Variants in KHDRBS3 observed in about 807,000 individuals in gnomAD.
KHDRBS3 encodes the protein KH domain-containing, RNA-binding, signal transduction-associated protein 3.
In KHDRBS3, 23 loss-of-function variants were observed where a neutral mutation model predicts 45.6. That is an observed-to-expected ratio of 0.50 (90% confidence interval 0.36 to 0.72). The LOEUF is 0.72. Among genes scored for constraint, KHDRBS3 ranks in the 30% least tolerant of loss-of-function variants. The pLI is 0.00. For synonymous variants in KHDRBS3, 162 were observed against 156.5 expected (o/e 1.04, Z -0.26); for missense variants, 352 against 424.8 (o/e 0.83, Z 1.51).
chr8:135,520,879 A>G (rs1824871219), intron 1 of KHDRBS3, among the ~76,000 whole-genome samples: 1 of 152,226 alleles, frequency 6.6e-6, no homozygotes, highest in Non-Finnish European at 1.5e-5. Context: ...GGGATGTTTC[A>G]GCACTTTGTA....
chr8:135,540,244 A>G (rs1825978568), intron 2 of KHDRBS3: 1 of 152,214 alleles, frequency 6.6e-6, no homozygotes, highest in Non-Finnish European at 1.5e-5. Context: ...ATAAATAGAT[A>G]AATGGTAACG....
intron 5 of KHDRBS3, among the ~76,000 whole-genome samples, chr8:135,567,699 A>C (rs1183162977): frequency 2.6e-5 from 4 of 152,188 alleles, no homozygotes; most frequent in African/African-American, 9.7e-5. Context: ...GAAATCCGTA[A>C]CTGCTTCTAT....
At chr8:135,564,904 C>A (rs961089313) in intron 5 of KHDRBS3, among the ~76,000 whole-genome samples, 1 of 152,164 alleles carries the variant, frequency 6.6e-6, no homozygotes, top group Non-Finnish European at 1.5e-5. Flanking sequence ...AAGCCAGACA[C>A]AAGACGCAAA....
At chr8:135,559,849 A>T (rs909185418) in intron 5 of KHDRBS3, among the ~76,000 whole-genome samples, 1 of 152,184 alleles carries the variant, frequency 6.6e-6, no homozygotes, top group African/African-American at 2.4e-5. Flanking sequence ...TACCCCTTTG[A>T]AATAATAGAG....
chr8:135,560,860 C>T (rs988402708), intron 5 of KHDRBS3, among the ~76,000 whole-genome samples: 1 of 152,180 alleles, frequency 6.6e-6, no homozygotes, highest in Non-Finnish European at 1.5e-5. Context: ...TATTTGCGTA[C>T]TTACGGTTAC....
At chr8:135,585,087 G>C (rs1828402720) in intron 6 of KHDRBS3, among the ~76,000 whole-genome samples, 1 of 151,612 alleles carries the variant, frequency 6.6e-6, no homozygotes. Context: ...AAATTAGCCG[G>C]GTGTAGTGGT....
At chr8:135,551,495 C>T (rs1477158471) in intron 4 of KHDRBS3, among the ~76,000 whole-genome samples, 4 of 151,956 alleles carry the variant, frequency 2.6e-5, no homozygotes, top group Non-Finnish European at 4.4e-5. Flanking sequence ...AATCTTTTTC[C>T]TCCTGAGATG....
At chr8:135,613,777 A>G (rs2131056117) in intron 7 of KHDRBS3, among the ~76,000 whole-genome samples, 1 of 151,716 alleles carries the variant, frequency 6.6e-6, no homozygotes, top group Non-Finnish European at 1.5e-5. Flanking sequence ...GCCATATCCT[A>G]CCTGAAAACA....
At chr8:135,572,970 T>C (rs923357365) in intron 5 of KHDRBS3, among the ~76,000 whole-genome samples, 2 of 152,234 alleles carry the variant, frequency 1.3e-5, no homozygotes, top group Non-Finnish European at 2.9e-5. Context: ...GATTGTCAAA[T>C]GTATTAGGAA....
chr8:135,527,097 G>C (rs1410506414), intron 2 of KHDRBS3, among the ~76,000 whole-genome samples: 1 of 151,958 alleles, frequency 6.6e-6, no homozygotes, highest in Non-Finnish European at 1.5e-5. Flanking sequence ...TTATTCATTG[G>C]TTCATCCGTC....
chr8:135,489,037 A>G (rs1173538571), intron 1 of KHDRBS3, among the ~76,000 whole-genome samples: 1 of 152,184 alleles, frequency 6.6e-6, no homozygotes, highest in Non-Finnish European at 1.5e-5. Flanking sequence ...CCAGTAATGT[A>G]CCTGCTTTTA....
intron 2 of KHDRBS3, among the ~76,000 whole-genome samples, chr8:135,527,858 G>A (rs940278033): frequency 6.6e-6 from 1 of 152,182 alleles, no homozygotes; most frequent in African/African-American, 2.4e-5. Context: ...GTTTTCTGGA[G>A]TATAGGTTTT....
chr8:135,626,824 AG>A (rs1374855106), intron 7 of KHDRBS3, among the ~76,000 whole-genome samples: 6 of 150,518 alleles, frequency 4.0e-5, no homozygotes, highest in South Asian at 4.2e-4. Context: ...AAAAAAAAAA[AG>A]AGGCACAGTG....
At chr8:135,635,025 G>A (rs1830752053) in intron 7 of KHDRBS3, among the ~76,000 whole-genome samples, 1 of 151,880 alleles carries the variant, frequency 6.6e-6, no homozygotes, top group Non-Finnish European at 1.5e-5. Context: ...TGTGGTGTGG[G>A]GAAAAAAATT....
chr8:135,600,359 A>AT (rs1829153176), intron 6 of KHDRBS3, among the ~76,000 whole-genome samples: 2 of 152,220 alleles, frequency 1.3e-5, no homozygotes, highest in Non-Finnish European at 2.9e-5. Context: ...AGAATTCTGA[A>AT]TGATTCTGAT....
chr8:135,603,883 T>C (rs1829329618), intron 6 of KHDRBS3, among the ~76,000 whole-genome samples: 1 of 152,118 alleles, frequency 6.6e-6, no homozygotes, highest in Non-Finnish European at 1.5e-5. Flanking sequence ...TTCGGTTCTT[T>C]TTGAGTAGTG....
exon 5 of KHDRBS3, chr8:135,656,358 C>T (rs1322885427): frequency 2.6e-5 from 4 of 152,180 alleles, no homozygotes; most frequent in Non-Finnish European, 5.9e-5. Flanking sequence ...TGTTCTGTGA[C>T]ATGTTTTTAT....
intron 7 of KHDRBS3, among the ~76,000 whole-genome samples, chr8:135,644,168 C>A (rs1831186217): frequency 6.6e-6 from 1 of 152,182 alleles, no homozygotes; most frequent in African/African-American, 2.4e-5. Context: ...TTTCACAAGT[C>A]TATTCCTGTA....
At chr8:135,522,152 G>A (rs1019162253) in intron 2 of KHDRBS3, among the ~76,000 whole-genome samples, 4 of 151,920 alleles carry the variant, frequency 2.6e-5, no homozygotes, top group African/African-American at 9.7e-5. Context: ...CCCTGTGTCC[G>A]TGTGTTCTCA....
Sources: allele counts gnomAD v4.1 joint callset (sites outside exome capture counted in the v4.1 genomes callset), GRCh38; gene constraint gnomAD v4.1.1; transcripts MANE v1.5; gene names NCBI Gene and HGNC (gene_info 2026-07-23, HGNC 2026-07-21).